Variants in CDYL2 observed in about 807,000 individuals in gnomAD.
The protein encoded by CDYL2 is chromodomain Y like 2, also known as chromodomain Y-like protein 2.
A neutral mutation model predicts 49.4 loss-of-function variants in CDYL2; 23 were observed. The ratio of observed to expected loss-of-function variants is 0.47; its 90% confidence interval spans 0.34 to 0.66. The LOEUF is 0.66. Among genes scored for constraint, CDYL2 ranks in the 30% least tolerant of loss-of-function variants. The pLI, the probability that CDYL2 is intolerant of heterozygous loss-of-function variation, is 0.01. For missense variants in CDYL2, 678 were observed against 656.4 expected, an observed-to-expected ratio of 1.03 and a Z score of -0.36; for synonymous variants, 360 against 268.8, an observed-to-expected ratio of 1.34 and a Z score of -3.32.
At chr16:80,671,875 GA>G (rs1207773226) in intron 2 of CDYL2, among the ~76,000 whole-genome samples, 1 of 151,986 alleles carries the variant, frequency 6.6e-6, no homozygotes, top group African/African-American at 2.4e-5. Flanking sequence ...AAATAGTCCA[GA>G]AAAAAATGAA....
At chr16:80,754,424 T>C (rs545473188) in intron 1 of CDYL2, among the ~76,000 whole-genome samples, 1 of 152,294 alleles carries the variant, frequency 6.6e-6, no homozygotes, top group South Asian at 2.1e-4. Context: ...AATTAGGAGA[T>C]GTTGCTATTA....
intron 2 of CDYL2, among the ~76,000 whole-genome samples, chr16:80,639,316 T>A (rs1049219313): frequency 6.6e-6 from 1 of 152,128 alleles, no homozygotes; most frequent in Admixed American, 6.6e-5. Context: ...GCTAAACTAG[T>A]CTTACCACAT....
At chr16:80,675,399 G>A (rs1346717374) in intron 2 of CDYL2, among the ~76,000 whole-genome samples, 7 of 152,170 alleles carry the variant, frequency 4.6e-5, no homozygotes, top group Non-Finnish European at 8.8e-5. Flanking sequence ...GAACCACTGA[G>A]GAAATTAAAT....
At chr16:80,693,265 G>A (rs1245501743) in intron 1 of CDYL2, among the ~76,000 whole-genome samples, 1 of 152,064 alleles carries the variant, frequency 6.6e-6, no homozygotes, top group African/African-American at 2.4e-5. Flanking sequence ...GAAAATGTGT[G>A]TAATCATAAA....
intron 1 of CDYL2, among the ~76,000 whole-genome samples, chr16:80,784,880 A>G (rs1907384236): frequency 6.6e-6 from 1 of 152,174 alleles, no homozygotes; most frequent in Admixed American, 6.5e-5. Context: ...TAGTGAAACA[A>G]GGATGTTTTT....
intron 1 of CDYL2, among the ~76,000 whole-genome samples, chr16:80,766,035 A>G (rs1274630793): frequency 6.6e-6 from 1 of 152,026 alleles, no homozygotes; most frequent in Non-Finnish European, 1.5e-5. Flanking sequence ...ACACAAATCC[A>G]TAGAGACGGA....
At chr16:80,661,546 C>A (rs1909044726) in intron 2 of CDYL2, among the ~76,000 whole-genome samples, 1 of 152,142 alleles carries the variant, frequency 6.6e-6, no homozygotes, top group Admixed American at 6.5e-5. Context: ...GGCCATGCCA[C>A]TGGGAAGTGC....
intron 1 of CDYL2, among the ~76,000 whole-genome samples, chr16:80,698,849 T>C (rs1904287285): frequency 6.6e-6 from 1 of 152,130 alleles, no homozygotes; most frequent in Non-Finnish European, 1.5e-5. Flanking sequence ...TCTTTTCAAG[T>C]TATGCAGTCT....
chr16:80,650,678 T>C (rs943095099), intron 2 of CDYL2, among the ~76,000 whole-genome samples: 1 of 152,206 alleles, frequency 6.6e-6, no homozygotes, highest in Non-Finnish European at 1.5e-5. Context: ...CTCATGTTTG[T>C]TGTAGCACTG....
chr16:80,710,125 C>T (rs1904544981), intron 1 of CDYL2, among the ~76,000 whole-genome samples: 1 of 152,054 alleles, frequency 6.6e-6, no homozygotes, highest in African/African-American at 2.4e-5. Flanking sequence ...ACGGGGATTT[C>T]GCCATGTTGG....
At chr16:80,764,373 C>G (rs938734745) in intron 1 of CDYL2, among the ~76,000 whole-genome samples, 1 of 152,130 alleles carries the variant, frequency 6.6e-6, no homozygotes, top group Non-Finnish European at 1.5e-5. Context: ...AGCCATGTGT[C>G]TTATTCTACG....
At chr16:80,732,077 G>C (rs192127656) in intron 1 of CDYL2, among the ~76,000 whole-genome samples, 2 of 152,226 alleles carry the variant, frequency 1.3e-5, no homozygotes, top group Admixed American at 6.5e-5. Flanking sequence ...TTTCTCTCCA[G>C]AATTAAATAG....
chr16:80,794,015 T>C (rs1427125201), intron 1 of CDYL2, among the ~76,000 whole-genome samples: 1 of 152,220 alleles, frequency 6.6e-6, no homozygotes, highest in Non-Finnish European at 1.5e-5. Context: ...GACCATCTTG[T>C]CTTGGAATCT....
intron 2 of CDYL2, among the ~76,000 whole-genome samples, chr16:80,637,270 A>C (rs1279841556): frequency 2.0e-5 from 3 of 152,218 alleles, no homozygotes; most frequent in Non-Finnish European, 4.4e-5. Flanking sequence ...AATTTGGCAA[A>C]GAACATCTAC....
intron 2 of CDYL2, among the ~76,000 whole-genome samples, chr16:80,681,753 A>G (rs983779684): frequency 1.3e-5 from 2 of 152,174 alleles, no homozygotes; most frequent in Non-Finnish European, 2.9e-5. Context: ...CCTTCCATGG[A>G]GCCAGCCTCG....
Position 80,598,495 on chromosome 16 carries a change from GA to G in CDYL2, c.*5892del, listed in dbSNP as rs1486521606. On this transcript the variant is annotated 3_prime_UTR_variant, in exon 7 of 7. Transcript: ENST00000570137. ...AGACAATTCTTCTCACACCTAACAG[GA>G]ATTAGAATGGGTCAATGAAGAACAA... 3.3e-5 allele frequency: 5 copies of G among 152,080 alleles called. No individual in the cohort carries two copies. 9.4% of individuals were successfully genotyped at this position (152,080 alleles called of 1,614,324 possible).
chr16:80,628,228 C>T (rs915094433), intron 3 of CDYL2: 2 of 152,220 alleles, frequency 1.3e-5, no homozygotes, highest in African/African-American at 4.8e-5. Flanking sequence ...GTGATTTAAA[C>T]CCCTTGTATT....
At position 80,734,409 on chromosome 16, in the gene CDYL2, G is replaced by C. The variant is rs1053765182; in HGVS notation, c.25-49280C>G. On this transcript the variant is annotated intron_variant, in intron 1 of 6. Coordinates refer to ENST00000570137, the MANE Select transcript of CDYL2 (RefSeq NM_152342.4). ...TGAGATAGTTAAGACAGATCCATGA[G>C]CCATGAGGACAACAACACTAAAGAC... 7.2e-5 allele frequency among the ~76,000 whole-genome samples: 11 copies of C among 152,134 alleles called. No homozygotes were observed. The South Asian group carries it at 1.7e-3, about 23-fold the overall frequency.
At chr16:80,727,710 T>C (rs1024819482) in intron 1 of CDYL2, among the ~76,000 whole-genome samples, 2 of 152,146 alleles carry the variant, frequency 1.3e-5, no homozygotes, top group South Asian at 2.1e-4. Flanking sequence ...TCTGACAGCT[T>C]TGAAGAGAAC....
Sources: gnomAD v4.1 joint callset for allele counts (sites outside exome capture counted in the v4.1 genomes callset) on GRCh38, gnomAD v4.1.1 for gene constraint, MANE v1.5 for transcripts, NCBI Gene and HGNC (gene_info 2026-07-23, HGNC 2026-07-21) for gene names.